TCF4: variants seen among roughly 807,000 people sequenced by gnomAD.
The protein encoded by TCF4 is transcription factor 4.
TCF4 carries 3 observed loss-of-function variants against 82.1 expected under a neutral mutation model. That is an observed-to-expected ratio of 0.04 (90% confidence interval 0.02 to 0.09). The LOEUF is 0.09. Among genes scored for constraint, TCF4 ranks in the 10% least tolerant of loss-of-function variants. The pLI is 1.00. For synonymous variants in TCF4, 276 were observed against 309.6 expected, an observed-to-expected ratio of 0.89 and a Z score of 1.14; for missense variants, 518 against 852.7, an observed-to-expected ratio of 0.61 and a Z score of 4.89.
At chr18:55,288,261 A>G (rs2064159973) in intron 8 of TCF4, among the ~76,000 whole-genome samples, 1 of 152,148 alleles carries the variant, frequency 6.6e-6, no homozygotes, top group East Asian at 1.9e-4. Context: ...AAAACAGAAA[A>G]GAAGTCATTT....
intron 8 of TCF4, among the ~76,000 whole-genome samples, chr18:55,287,768 C>T (rs2064029278): frequency 6.6e-6 from 1 of 152,208 alleles, no homozygotes. Flanking sequence ...TACAAAAACC[C>T]TGGCGTTCTT....
chr18:55,426,783 G>A (rs1482637124), intron 5 of TCF4, among the ~76,000 whole-genome samples: 1 of 151,916 alleles, frequency 6.6e-6, no homozygotes, highest in Non-Finnish European at 1.5e-5. Context: ...AAATAAATAT[G>A]TACTTCTATA....
intron 8 of TCF4, among the ~76,000 whole-genome samples, chr18:55,307,467 A>G (rs571923182): frequency 9.5e-4 from 145 of 152,292 alleles, no homozygotes; most frequent in Non-Finnish European, 5.9e-5. Flanking sequence ...GAAGAGGTGT[A>G]CTCTGTGGCC....
intron 8 of TCF4, among the ~76,000 whole-genome samples, chr18:55,304,566 C>T (rs539492431): frequency 1.1e-4 from 17 of 152,258 alleles, no homozygotes; most frequent in Non-Finnish European, 1.0e-4. Flanking sequence ...CTTCCAAGAT[C>T]CATTTACGAT....
chr18:55,415,504 G>A (rs1308600865), intron 5 of TCF4, among the ~76,000 whole-genome samples: 1 of 152,182 alleles, frequency 6.6e-6, no homozygotes, highest in Non-Finnish European at 1.5e-5. Flanking sequence ...CTATGGCCAG[G>A]CACTCCCCAA....
chr18:55,332,316 A>T (rs1423344554), intron 8 of TCF4: 1 of 109,116 alleles, frequency 9.2e-6, no homozygotes, highest in African/African-American at 5.9e-5. Context: ...TTGAGGCAGT[A>T]CAGAAAAAAA....
intron 3 of TCF4, among the ~76,000 whole-genome samples, chr18:55,579,909 T>TG (rs762801685): frequency 4.6e-5 from 7 of 152,224 alleles, no homozygotes; most frequent in Admixed American, 3.3e-4. Context: ...CAGTCTTTAC[T>TG]GCTCCATGAT....
chr18:55,274,940 T>C (rs2061160816), intron 10 of TCF4, among the ~76,000 whole-genome samples: 1 of 152,162 alleles, frequency 6.6e-6, no homozygotes, highest in Admixed American at 6.5e-5. Flanking sequence ...ATGTAGGTGA[T>C]GGACAGAGTG....
chr18:55,463,031 C>T (rs180706655), intron 4 of TCF4, among the ~76,000 whole-genome samples: 5 of 152,110 alleles, frequency 3.3e-5, no homozygotes, highest in African/African-American at 1.2e-4. Flanking sequence ...TGGAACCTTC[C>T]CCCAACCCAA....
chr18:55,577,899 A>C (rs2147717020), intron 3 of TCF4, among the ~76,000 whole-genome samples: 1 of 152,244 alleles, frequency 6.6e-6, no homozygotes, highest in South Asian at 2.1e-4. Context: ...TTGAAGTTTA[A>C]AATGTCAGAG....
chr18:55,228,441 T>C (rs903534869), intron 18 of TCF4, 80 bp from the exon 19 acceptor site: 1 of 1,573,332 alleles, frequency 6.4e-7, no homozygotes, highest in African/African-American at 1.3e-5. Context: ...TTCTTGCGTG[T>C]CTGACCTTTT....
At chr18:55,585,423 T>A in intron 2 of TCF4, 71 bp from the exon 3 acceptor site, 2 of 1,358,418 alleles carry the variant, frequency 1.5e-6, no homozygotes, top group Non-Finnish European at 2.1e-6. Context: ...CAAAGATCTT[T>A]CATACTGTTA....
intron 15 of TCF4, among the ~76,000 whole-genome samples, chr18:55,236,706 T>C (rs1296397955): frequency 6.6e-6 from 1 of 152,258 alleles, no homozygotes; most frequent in East Asian, 1.9e-4. Flanking sequence ...CAATCTAAGA[T>C]GTCAACTTGT....
rs1324952890 is a variant in TCF4 at position 55,447,288 on chromosome 18, G to T, written c.304+13731C>A. Among the ~76,000 whole-genome samples, 5 of 91,370 alleles carry T rather than the reference G, an allele frequency of 5.5e-5. No homozygotes were observed. In the East Asian group the frequency reaches 1.4e-3, roughly 25 times the overall value. 59.9% of individuals were successfully genotyped at this position (91,370 alleles called of 152,430 possible). On this transcript the variant is annotated intron_variant, in intron 5 of 19. Transcript: ENST00000354452. ...CACTCCAGCCTGAAGGACGGGGTGAGACCGTCTCAAAAAAAAAAAAAAAAT... is the reference window on the plus strand; with the variant it reads ...CACTCCAGCCTGAAGGACGGGGTGATACCGTCTCAAAAAAAAAAAAAAAAT...
chr18:55,526,827 C>T (rs1253391742), intron 3 of TCF4, among the ~76,000 whole-genome samples: 1 of 152,112 alleles, frequency 6.6e-6, no homozygotes, highest in Non-Finnish European at 1.5e-5. Flanking sequence ...TGTGCCTTAA[C>T]CTTTGCTGGG....
At chr18:55,524,533 A>G (rs920450953) in intron 3 of TCF4, among the ~76,000 whole-genome samples, 1 of 152,194 alleles carries the variant, frequency 6.6e-6, no homozygotes, top group Non-Finnish European at 1.5e-5. Flanking sequence ...GAAGACCATG[A>G]TTATTGATTA....
In TCF4 at chr18:55,632,479, T is replaced by C. The variant is rs777047359; in HGVS notation, c.196-1091A>G. 2.0e-5 allele frequency among the ~76,000 whole-genome samples: 3 copies of C among 152,204 alleles called. No individual in the cohort carries two copies. In the East Asian group the frequency reaches 5.8e-4, roughly 29 times the overall value. On this transcript the variant is annotated intron_variant, in intron 1 of 20. Coordinates refer to the TCF4 transcript ENST00000398339. Reference sequence around the variant, plus strand: ...GAGTTTTTTGAGAGTTGAAGAGCTATATGTCTTCAGATTGTAAAGATCACA... The same window carrying C: ...GAGTTTTTTGAGAGTTGAAGAGCTACATGTCTTCAGATTGTAAAGATCACA...
At chr18:55,432,328 A>G (rs1386187245) in intron 5 of TCF4, among the ~76,000 whole-genome samples, 1 of 152,066 alleles carries the variant, frequency 6.6e-6, no homozygotes, top group Non-Finnish European at 1.5e-5. Context: ...AATAAATATG[A>G]TAATCTTCCT....
At chr18:55,497,659 A>T (rs993888766) in intron 3 of TCF4, among the ~76,000 whole-genome samples, 1 of 152,242 alleles carries the variant, frequency 6.6e-6, no homozygotes, top group Non-Finnish European at 1.5e-5. Context: ...ATAAATTAAA[A>T]GCAGGAGGAA....
Sources: gnomAD v4.1 joint callset for allele counts (sites outside exome capture counted in the v4.1 genomes callset) on GRCh38, gnomAD v4.1.1 for gene constraint, MANE v1.5 for transcripts, NCBI Gene and HGNC (gene_info 2026-07-23, HGNC 2026-07-21) for gene names.